The following ZNF831 variants were observed in gnomAD, a reference collection of about 807,000 sequenced individuals.
The protein encoded by ZNF831 is chromosome 20 open reading frame 174.
In ZNF831, 59 loss-of-function variants were observed where a neutral mutation model predicts 95.8. The observed-to-expected ratio is 0.62, with a 90% CI of 0.50 to 0.77. ZNF831 has a LOEUF of 0.77. ZNF831 is among the 30% of genes least tolerant of loss of function. ZNF831 has a pLI of 0.00. For synonymous variants in ZNF831, 961 were observed against 925.5 expected (o/e 1.04, Z -0.70); for missense variants, 2,205 against 2,164.0 (o/e 1.02, Z -0.38).
At chr20:59,154,994 G>A (rs1022643835) in intron 2 of ZNF831, among the ~76,000 whole-genome samples, 3 of 152,146 alleles carry the variant, frequency 2.0e-5, no homozygotes, top group East Asian at 3.8e-4. Flanking sequence ...GTCCCATGAC[G>A]GCAAGGGGGC....
chr20:59,198,838 C>T (rs915750744), intron 3 of ZNF831, among the ~76,000 whole-genome samples: 1 of 152,114 alleles, frequency 6.6e-6, no homozygotes, highest in Non-Finnish European at 1.5e-5. Context: ...GCCTTTGCAC[C>T]TGCTAGTCCC....
intron 2 of ZNF831, among the ~76,000 whole-genome samples, chr20:59,149,720 G>C (rs757327638): frequency 3.3e-5 from 5 of 152,360 alleles, no homozygotes; most frequent in Admixed American, 2.0e-4. Flanking sequence ...TCATGCCTGA[G>C]CCTTGTCCCT....
rs1447544347 is a variant in ZNF831, at chr20:59,254,554, T to G, written c.4845T>G (p.Arg1615=). The change falls in exon 6 of 6, where the codon CGT becomes CGG. Residue 1615 remains arginine, a synonymous_variant. Coordinates refer to ENST00000371030, the MANE Select transcript of ZNF831 (RefSeq NM_178457.3). This position sits in a 1 kb window ranked among gnomAD's most constrained non-coding sequence, Gnocchi z 4.5. Reference sequence around the variant, plus strand: ...CTTTAGGAAGTGACGGTAGGAAACGTCAGGTATCTGGATTAATCACTCGGA... The same window carrying G: ...CTTTAGGAAGTGACGGTAGGAAACGGCAGGTATCTGGATTAATCACTCGGA... The part of the protein sequence containing the change: ...CPSLGSDGRK[R]QVSGLITRKD... The G allele has an allele frequency of 6.2e-7, 1 of 1,613,942 alleles. No individual in the cohort carries two copies. The highest frequency in any genetic ancestry group is 8.5e-7 in the Non-Finnish European group (1 of 1,180,036).
In ZNF831 at chr20:59,192,409, AGGAG is replaced by A. The variant is rs1419639377; in HGVS notation, c.1393_1396del (p.Arg465ProfsTer68). 4 of 1,611,852 alleles carry A rather than the reference AGGAG, an allele frequency of 2.5e-6. No individual in the cohort carries two copies. In the African/African-American group the frequency reaches 5.3e-5, roughly 22 times the overall value. ...CATCCGCGCGCTGGAGCCAGGCCGT[AGGAG>A]GGCCCCGGGCCCCGTGCGCTCCACC... On this transcript the variant is annotated frameshift_variant, in exon 2 of 6. Transcript: ENST00000371030. LOFTEE classifies it high-confidence loss of function. This position sits in a 1 kb window ranked among gnomAD's most constrained non-coding sequence, Gnocchi z 5.2.
intron 1 of ZNF831, among the ~76,000 whole-genome samples, chr20:59,140,942 C>T (rs1979657757): frequency 6.6e-6 from 1 of 151,948 alleles, no homozygotes; most frequent in Admixed American, 6.6e-5. Context: ...CTCTGTCATC[C>T]AGGCTGGAGT....
At chr20:59,250,916 T>C (rs930688569) in intron 4 of ZNF831, among the ~76,000 whole-genome samples, 1 of 152,046 alleles carries the variant, frequency 6.6e-6, no homozygotes, top group Non-Finnish European at 1.5e-5. Flanking sequence ...ATAAGGGCAA[T>C]TCTAGAAAGA....
chr20:59,239,962 T>C (rs936875511), intron 4 of ZNF831, among the ~76,000 whole-genome samples: 2 of 152,218 alleles, frequency 1.3e-5, no homozygotes, highest in African/African-American at 4.8e-5. Context: ...GACAGCCCTG[T>C]GCTATGGTGA....
rs960758596 is a variant in ZNF831, at chr20:59,192,591, C to A, written c.1572C>A (p.Asp524Glu). Residue 524 changes from aspartate to glutamate, a missense_variant, in exon 2 of 6, where the codon GAC (aspartate) becomes GAA (glutamate). Transcript: ENST00000371030. The surrounding 1 kb of genome is among the most constrained non-coding windows in gnomAD (Gnocchi z 5.2). ...RTWLEPREPR[D>E]PWSRTQKPLS... is the part of the protein sequence containing the mutation. ...GGCTGGAGCCCAGGGAGCCCCGGGA[C>A]CCCTGGTCCAGGACGCAGAAGCCTC... 4.0e-6 allele frequency: 6 copies of A among 1,511,486 alleles called. No individual in the cohort carries two copies. Among genetic ancestry groups the A allele is most frequent in the Non-Finnish European group, 5.3e-6 (6 of 1,133,734 alleles). The allele number at this position is 1,511,486 out of a possible 1,614,324, so 93.6% of individuals were successfully genotyped here.
chr20:59,156,652 A>G (rs1251505485), intron 2 of ZNF831, among the ~76,000 whole-genome samples: 1 of 152,046 alleles, frequency 6.6e-6, no homozygotes, highest in Non-Finnish European at 1.5e-5. Flanking sequence ...GTAGCCTTTG[A>G]CCCTCACCTT....
chr20:59,138,580 C>T (rs1339680434), intron 1 of ZNF831, among the ~76,000 whole-genome samples: 1 of 152,188 alleles, frequency 6.6e-6, no homozygotes, highest in Non-Finnish European at 1.5e-5. Context: ...AGATTATGCT[C>T]CATTCCCACA....
At position 59,148,516 on chromosome 20, in the gene ZNF831, C is replaced by A. The variant is rs1005951559; in HGVS notation, c.-1281+2142C>A. On this transcript the variant is annotated intron_variant, in intron 2 of 7. Coordinates refer to the ZNF831 transcript ENST00000637017. ...CTAACACGGTGAAACCCCGTCTCTA[C>A]TAAAAATACAAAAATTAGCCGGGCA... is the stretch of plus-strand genomic sequence containing the variant. Among the ~76,000 whole-genome samples, 24 of 130,710 alleles carry A rather than the reference C, an allele frequency of 1.8e-4. 3 individuals carry two copies. Among genetic ancestry groups the A allele is most frequent in the Admixed American group, 1.4e-4 (2 of 13,892 alleles). 85.8% of individuals were successfully genotyped at this position (130,710 alleles called of 152,430 possible).
intron 1 of ZNF831, among the ~76,000 whole-genome samples, chr20:59,131,123 C>T (rs1979340223): frequency 6.6e-6 from 1 of 152,204 alleles, no homozygotes; most frequent in Non-Finnish European, 1.5e-5. Flanking sequence ...AGACTCCCAG[C>T]ATTAACCTTC....
intron 1 of ZNF831, among the ~76,000 whole-genome samples, chr20:59,138,325 C>T (rs1263038098): frequency 1.3e-5 from 2 of 152,086 alleles, no homozygotes; most frequent in Non-Finnish European, 2.9e-5. Context: ...GATGGGTCTC[C>T]CCGCTTTCCA....
chr20:59,149,350 T>A (rs1294642257), intron 2 of ZNF831, among the ~76,000 whole-genome samples: 1 of 152,204 alleles, frequency 6.6e-6, no homozygotes, highest in Non-Finnish European at 1.5e-5. Flanking sequence ...GATGTGACTG[T>A]GGCCTGGGGC....
chr20:59,204,788 C>T (rs1397008954), intron 3 of ZNF831, among the ~76,000 whole-genome samples: 1 of 152,136 alleles, frequency 6.6e-6, no homozygotes, highest in Non-Finnish European at 1.5e-5. Flanking sequence ...ACTGGCCACA[C>T]CTTGAGGGGA....
In ZNF831 at chr20:59,191,099, C is replaced by T. The variant is rs771740343; in HGVS notation, c.80C>T (p.Pro27Leu). The T allele has an allele frequency of 1.3e-6, 2 of 1,560,782 alleles. No homozygotes were observed. Among genetic ancestry groups the T allele is most frequent in the African/African-American group, 2.7e-5 (2 of 73,382 alleles). Residue 27 changes from proline (P) to leucine (L), a missense_variant, in exon 2 of 6, where the codon CCA (proline) becomes CTA (leucine). By Grantham distance (98) the Pro-to-Leu change is moderately conservative (BLOSUM62 -3). Coordinates refer to ENST00000371030, the MANE Select transcript of ZNF831 (RefSeq NM_178457.3). ...PAPTPGPPGAPGGQASPHLTL... is the reference protein window; with the variant it reads ...PAPTPGPPGALGGQASPHLTL... ...CCCACTCCTGGCCCTCCAGGGGCCCCAGGTGGCCAGGCCTCACCTCACCTG... is the reference window on the plus strand; with the variant it reads ...CCCACTCCTGGCCCTCCAGGGGCCCTAGGTGGCCAGGCCTCACCTCACCTG...
In ZNF831 at chr20:59,191,249, T is replaced by C. The variant is rs1230148201; in HGVS notation, c.230T>C (p.Leu77Pro). ...PPGGLQPRAP[L>P]VTGSLDGGNV... is the part of the protein sequence containing the mutation. ...GGGGGCCTCCAGCCCCGCGCCCCGC[T>C]AGTGACGGGCAGCCTAGATGGGGGC... Residue 77 changes from leucine (L) to proline (P), a missense_variant, in exon 2 of 6, where the codon CTA becomes CCA. Coordinates refer to ENST00000371030, the MANE Select transcript of ZNF831 (RefSeq NM_178457.3). 1 of 1,550,228 alleles carries C rather than the reference T, an allele frequency of 6.5e-7. No individual in the cohort carries two copies. The highest frequency in any genetic ancestry group is 1.9e-5 in the Admixed American group (1 of 51,758).
intron 2 of ZNF831, among the ~76,000 whole-genome samples, chr20:59,151,238 G>A (rs896179526): frequency 6.6e-6 from 1 of 152,162 alleles, no homozygotes; most frequent in African/African-American, 2.4e-5. Flanking sequence ...ACCCTGATCT[G>A]TGTATTCCCA....
At chr20:59,247,930 A>G (rs1444218770) in intron 4 of ZNF831, among the ~76,000 whole-genome samples, 2 of 152,244 alleles carry the variant, frequency 1.3e-5, no homozygotes, top group Non-Finnish European at 2.9e-5. Flanking sequence ...GTCTACAGTT[A>G]TGTTGTAAGT....
Sources: gnomAD v4.1 joint callset for allele counts (sites outside exome capture counted in the v4.1 genomes callset) on GRCh38, gnomAD v4.1.1 for gene constraint, Gnocchi (gnomAD v3.1) non-coding constraint, MANE v1.5 for transcripts, NCBI Gene and HGNC (gene_info 2026-07-23, HGNC 2026-07-21) for gene names.